EDARADD: variants seen among roughly 807,000 people sequenced by gnomAD.
EDARADD encodes the protein EDAR associated via death domain, also known as ectodysplasin-A receptor-associated adapter protein.
EDARADD carries 20 observed loss-of-function variants against 25.6 expected under a neutral mutation model. The observed-to-expected ratio is 0.78, with a 90% CI of 0.55 to 1.14. The LOEUF (loss-of-function observed/expected upper bound fraction) is 1.14. Among genes scored for constraint, EDARADD ranks in the 50% most tolerant of loss-of-function variants. The pLI, the probability that EDARADD is intolerant of heterozygous loss-of-function variation, is 0.00. For missense variants in EDARADD, 225 were observed against 270.1 expected, an observed-to-expected ratio of 0.83 and a Z score of 1.17; for synonymous variants, 86 against 94.4, an observed-to-expected ratio of 0.91 and a Z score of 0.52.
rs1657673327 is a variant in EDARADD at position 236,417,630 on chromosome 1, G to A, written c.160+3331G>A. Among the ~76,000 whole-genome samples the A allele has an allele frequency of 3.3e-5, 5 of 152,034 alleles. No individual in the cohort carries two copies. In the South Asian group the frequency reaches 6.2e-4, roughly 19 times the overall value. On this transcript the variant is annotated intron_variant, in intron 3 of 5. Transcript: ENST00000334232. Reference sequence around the variant, plus strand: ...TCTGATGGCTGTTCTGTGAGTCTGCGGGTACTAAGAACTGGTGAGATTGAG... The same window carrying A: ...TCTGATGGCTGTTCTGTGAGTCTGCAGGTACTAAGAACTGGTGAGATTGAG...
At chr1:236,421,747 T>C (rs667228) in intron 3 of EDARADD, among the ~76,000 whole-genome samples, 99,738 of 151,588 alleles carry the variant, frequency 0.66, 33,169 homozygotes, top group Non-Finnish European at 0.7. Context: ...TCAGGTGATC[T>C]ACCCGCATTG....
intron 5 of EDARADD, among the ~76,000 whole-genome samples, chr1:236,481,595 T>C (rs80182336): frequency 0.055 from 5,469 of 99,052 alleles, 352 homozygotes; most frequent in African/African-American, 0.17. Context: ...AAACCCCACC[T>C]CTACCAAAAA....
chr1:236,378,401 A>C (rs189812583), intron 3 of EDARADD, among the ~76,000 whole-genome samples: 1 of 152,154 alleles, frequency 6.6e-6, no homozygotes, highest in African/African-American at 2.4e-5. Flanking sequence ...CAACTCAGCA[A>C]TTCTTCAGTT....
At chr1:236,368,004 G>A (rs1667130146) in intron 3 of EDARADD, among the ~76,000 whole-genome samples, 1 of 152,096 alleles carries the variant, frequency 6.6e-6, no homozygotes, top group African/African-American at 2.4e-5. Context: ...AGCTACTCGG[G>A]AGGCTGAAGC....
At chr1:236,392,448 G>A (rs1045606542), upstream of EDARADD, among the ~76,000 whole-genome samples, 2 of 151,654 alleles carry the variant, frequency 1.3e-5, no homozygotes, top group African/African-American at 2.4e-5. Flanking sequence ...TTCACCCTCC[G>A]AGAGTAGCAG....
chr1:236,425,973 TTTTTTTTA>T (rs1657909231), intron 3 of EDARADD, among the ~76,000 whole-genome samples: 2 of 151,826 alleles, frequency 1.3e-5, no homozygotes, highest in African/African-American at 4.8e-5. Context: ...TTCTTATCTT[TTTTTTTTA>T]TTTTTTTATT....
In EDARADD at chr1:236,484,106, G is replaced by A; in HGVS notation, c.*1457G>A. The A allele has an allele frequency of 6.4e-7, 1 of 1,568,834 alleles. No individual in the cohort carries two copies. Among genetic ancestry groups the A allele is most frequent in the Non-Finnish European group, 8.8e-7 (1 of 1,140,068 alleles). ...AGTTCACGGCCAGTGCAGGAATCCA[G>A]GTAGTGGAGGATGATCTCAGAGTGA... On this transcript the variant is annotated 3_prime_UTR_variant, in exon 6 of 6. Coordinates refer to ENST00000334232, the MANE Select transcript of EDARADD (RefSeq NM_145861.4). The surrounding 1 kb of genome is among the most constrained non-coding windows in gnomAD (Gnocchi z 4.1).
At chr1:236,406,743 A>G (rs1571916182) in intron 1 of EDARADD, among the ~76,000 whole-genome samples, 1 of 152,086 alleles carries the variant, frequency 6.6e-6, no homozygotes, top group African/African-American at 2.4e-5. Context: ...TTCCCTCGCT[A>G]CCATGTCAAC....
chr1:236,456,168 G>C (rs973701165), intron 4 of EDARADD, among the ~76,000 whole-genome samples: 1 of 152,166 alleles, frequency 6.6e-6, no homozygotes, highest in African/African-American at 2.4e-5. Context: ...TGCAGTCTCC[G>C]TCTCCTGAGT....
chr1:236,371,181 G>A (rs1667168577), intron 3 of EDARADD, among the ~76,000 whole-genome samples: 1 of 152,124 alleles, frequency 6.6e-6, no homozygotes. Flanking sequence ...TTTTAGAGGA[G>A]CTAATATAAA....
intron 4 of EDARADD, among the ~76,000 whole-genome samples, chr1:236,458,286 A>G (rs1007048102): frequency 6.6e-6 from 1 of 152,252 alleles, no homozygotes; most frequent in Non-Finnish European, 1.5e-5. Flanking sequence ...AACTGGTTGA[A>G]TAAATTATGG....
intron 3 of EDARADD, among the ~76,000 whole-genome samples, chr1:236,353,738 G>A (rs925763512): frequency 6.6e-6 from 1 of 150,490 alleles, no homozygotes; most frequent in Admixed American, 6.6e-5. Flanking sequence ...GACCCTATTT[G>A]GTAGTTACTC....
At position 236,483,380 on chromosome 1, in the gene EDARADD, T is replaced by G; in HGVS notation, c.*731T>G. 7.1e-7 allele frequency: 1 copy of G among 1,411,804 alleles called. No homozygotes were observed. Among genetic ancestry groups the G allele is most frequent in the African/African-American group, 1.4e-5 (1 of 70,684 alleles). The allele number at this position is 1,411,804 out of a possible 1,614,324, so 87.5% of individuals were successfully genotyped here. A position where few individuals can be genotyped will look rare whatever the true frequency, so the allele number is the denominator to read the frequency against. On this transcript the variant is annotated 3_prime_UTR_variant, in exon 6 of 6. Transcript: ENST00000334232. ...AGCCTGTTGAGCCCATCAATAAAAC[T>G]ATTGCACCTGTCCTGGTTAGCAAGA...
Position 236,395,571 on chromosome 1 carries a change from C to T in EDARADD, c.61+1066C>T. On this transcript the variant is annotated intron_variant, in intron 1 of 5. Coordinates refer to ENST00000334232, the MANE Select transcript of EDARADD (RefSeq NM_145861.4). This position sits in a 1 kb window ranked among gnomAD's most constrained non-coding sequence, Gnocchi z 6.9. Reference sequence around the variant, plus strand: ...TCATCCCCGTGGTCCCACGGTCCTCCCGCGCCCCGGAGGCCTGCCAGCCCC... The same window carrying T: ...TCATCCCCGTGGTCCCACGGTCCTCTCGCGCCCCGGAGGCCTGCCAGCCCC... 2 of 1,544,020 alleles carry T rather than the reference C, an allele frequency of 1.3e-6. No individual in the cohort carries two copies. The highest frequency in any genetic ancestry group is 2.4e-5 in the South Asian group (2 of 84,092).
chr1:236,389,707 TAAG>T (rs1451999371), upstream of EDARADD, among the ~76,000 whole-genome samples: 1 of 152,140 alleles, frequency 6.6e-6, no homozygotes, highest in African/African-American at 2.4e-5. Context: ...AATGAATGCT[TAAG>T]AAGGTAACAA....
intron 3 of EDARADD, among the ~76,000 whole-genome samples, chr1:236,388,153 C>G (rs1047120044): frequency 2.6e-5 from 4 of 152,020 alleles, no homozygotes; most frequent in Non-Finnish European, 5.9e-5. Flanking sequence ...TGTGTATCCT[C>G]CCAACACCAT....
At chr1:236,405,725 TTTTCTTTCTTTC>T (rs1227603633) in intron 1 of EDARADD, among the ~76,000 whole-genome samples, 2,611 of 120,442 alleles carry the variant, frequency 0.022, 59 homozygotes, top group East Asian at 0.04. Context: ...CTTCCTTTCT[TTTTCTTTCTTTC>T]TTTCTTTCTT....
intron 1 of EDARADD, among the ~76,000 whole-genome samples, chr1:236,394,832 C>T (rs555139326): frequency 1.3e-5 from 2 of 152,184 alleles, no homozygotes; most frequent in Non-Finnish European, 2.9e-5. Context: ...GGTATAAAAC[C>T]CCACTTAAGC....
intron 3 of EDARADD, among the ~76,000 whole-genome samples, chr1:236,362,987 G>GGAAAAA (rs1456089586): frequency 3.0e-4 from 9 of 29,556 alleles, no homozygotes; most frequent in African/African-American, 1.1e-3. Context: ...CTTTTTTTAA[G>GGAAAAA]AAAAAAAAAA....
Sources: gnomAD v4.1 joint callset for allele counts (sites outside exome capture counted in the v4.1 genomes callset) on GRCh38, gnomAD v4.1.1 for gene constraint, Gnocchi (gnomAD v3.1) non-coding constraint, MANE v1.5 for transcripts, NCBI Gene and HGNC (gene_info 2026-07-23, HGNC 2026-07-21) for gene names.